TMC3: variants seen among roughly 807,000 people sequenced by gnomAD.
TMC3 encodes the protein transmembrane channel-like protein 3.
A neutral mutation model predicts 110.6 loss-of-function variants in TMC3; 98 were observed. The observed-to-expected ratio is 0.89, with a 90% CI of 0.75 to 1.05. The LOEUF (loss-of-function observed/expected upper bound fraction) is 1.05. Among genes scored for constraint, TMC3 ranks in the 50% least tolerant of loss-of-function variants. The pLI, the probability that TMC3 is intolerant of heterozygous loss-of-function variation, is 0.00. For missense variants in TMC3, 1,319 were observed against 1,373.2 expected, an observed-to-expected ratio of 0.96 and a Z score of 0.62; for synonymous variants, 489 against 513.1, an observed-to-expected ratio of 0.95 and a Z score of 0.63.
Position 81,332,358 on chromosome 15 carries a change from A to G in TMC3, c.*61T>C, listed in dbSNP as rs1209954607. The G allele has an allele frequency of 1.3e-6, 2 of 1,512,846 alleles. No individual in the cohort carries two copies. The highest frequency in any genetic ancestry group is 2.8e-5 in the African/African-American group (2 of 72,034). The allele number at this position is 1,512,846 out of a possible 1,614,324, so 93.7% of individuals were successfully genotyped here. On this transcript the variant is annotated 3_prime_UTR_variant, in exon 22 of 22. Transcript: ENST00000359440. Reference sequence around the variant, plus strand: ...CTCTTTTTCCAGAAAGGGAGATGCCATGTGCTGGCCCAGCACTCCAACAGG... The same window carrying G: ...CTCTTTTTCCAGAAAGGGAGATGCCGTGTGCTGGCCCAGCACTCCAACAGG...
chr15:81,347,450 T>G (rs1224459871), intron 11 of TMC3, among the ~76,000 whole-genome samples: 1 of 152,110 alleles, frequency 6.6e-6, no homozygotes, highest in African/African-American at 2.4e-5. Context: ...TCACATGGGC[T>G]CTCCCTCTGA....
chr15:81,336,794 G>A (rs1266406033), intron 19 of TMC3, 143 bp from the exon 20 acceptor site: 9 of 821,696 alleles, frequency 1.1e-5, no homozygotes, highest in South Asian at 6.2e-5. Flanking sequence ...CCCTATGGAC[G>A]GTATGCTCTG....
In TMC3 at chr15:81,336,665, G is replaced by GAT; in HGVS notation, c.2161-16_2161-15dup. On this transcript the variant is annotated splice_polypyrimidine_tract_variant and intron_variant, in intron 19 of 21. Transcript: ENST00000359440. ...CTCTGATCTTGCCTAAAATGCAAAT[G>GAT]ATATGCATGTTTGTTTTGGCTTTAG... is the stretch of plus-strand genomic sequence containing the variant. The GAT allele has an allele frequency of 6.2e-7, 1 of 1,613,724 alleles. No homozygotes were observed. Among genetic ancestry groups the GAT allele is most frequent in the Non-Finnish European group, 8.5e-7 (1 of 1,179,730 alleles).
chr15:81,336,443 C>G (rs1348289664), intron 20 of TMC3, among the ~76,000 whole-genome samples, 166 bp downstream of exon 20: 1 of 152,106 alleles, frequency 6.6e-6, no homozygotes, highest in African/African-American at 2.4e-5. Flanking sequence ...TGGCACGCAC[C>G]TGTAATCCCA....
In TMC3 at chr15:81,339,429, G is replaced by C; in HGVS notation, c.1920C>G (p.Val640=). ...CACAGTTTAGAGATGGCTTGTATCG[G>C]ACAATAGCAAAAATGGTTGGCAGCA... ...LCMLPTIFAI[V]RYKPSLNCGP... Residue 640 remains valine (V), a synonymous_variant, in exon 17 of 22, where the codon GTC becomes GTG. Coordinates refer to ENST00000359440, the MANE Select transcript of TMC3 (RefSeq NM_001080532.3). The C allele has an allele frequency of 1.9e-6, 3 of 1,611,360 alleles. No homozygotes were observed. Among genetic ancestry groups the C allele is most frequent in the Non-Finnish European group, 2.5e-6 (3 of 1,178,774 alleles).
intron 10 of TMC3, among the ~76,000 whole-genome samples, chr15:81,349,870 T>A (rs765675152): frequency 1.3e-4 from 19 of 150,424 alleles, no homozygotes; most frequent in Admixed American, 6.6e-5. Flanking sequence ...TCCCAACACT[T>A]TGGGAGGCTT....
At position 81,343,313 on chromosome 15, in the gene TMC3, A is replaced by G. The variant is rs370424165; in HGVS notation, c.1680T>C (p.Asn560=). 7.2e-4 allele frequency: 1,168 copies of G among 1,611,282 alleles called. 2 individuals are homozygous for G. The highest frequency in any genetic ancestry group is 2.6e-3 in the Middle Eastern group (16 of 6,060). ...CTTGGTTGTAGACTAAATGTAGCAC[A>G]TTCTCAGCTATTTTGAATTCTCCAT... ...PEYGEFKIAE[N]VLHLVYNQGM... The change falls in exon 15 of 22, where the codon AAT becomes AAC. Residue 560 remains asparagine (N), a synonymous_variant. Coordinates refer to ENST00000359440, the MANE Select transcript of TMC3 (RefSeq NM_001080532.3).
chr15:81,366,420 C>T (rs1420004589), intron 3 of TMC3, among the ~76,000 whole-genome samples: 7 of 152,040 alleles, frequency 4.6e-5, no homozygotes, highest in Non-Finnish European at 4.4e-5. Flanking sequence ...GAGAGAGGAG[C>T]GAGATAAAAA....
chr15:81,356,742 C>T, intron 7 of TMC3, 148 bp from the exon 8 acceptor site: 2 of 848,220 alleles, frequency 2.4e-6, no homozygotes, highest in Non-Finnish European at 3.5e-6. Context: ...CAGGAGAGCA[C>T]CGACTGGATT....
At chr15:81,373,369 C>A (rs1311520281) in intron 1 of TMC3, among the ~76,000 whole-genome samples, 1 of 152,174 alleles carries the variant, frequency 6.6e-6, no homozygotes, top group Non-Finnish European at 1.5e-5. Context: ...CAACATGTAG[C>A]AACATTTACT....
chr15:81,353,176 G>A (rs916209687), intron 9 of TMC3, among the ~76,000 whole-genome samples: 3 of 145,900 alleles, frequency 2.1e-5, no homozygotes, highest in Non-Finnish European at 4.6e-5. Flanking sequence ...TAAAAATAAA[G>A]CTTATAGAAT....
Position 81,362,272 on chromosome 15 carries a change from A to G in TMC3, c.342T>C (p.Cys114=), listed in dbSNP as rs1219293480. ...ELWRKFARLA[C]NFVVIFIPWE... is the part of the protein sequence containing the mutation. ...AGGGAATGAAGATGACCACAAAGTT[A>G]CAGGCGAGACGAGCAAATTTCCGCC... is the stretch of plus-strand genomic sequence containing the variant. Residue 114 remains cysteine (C), a synonymous_variant, in exon 4 of 22, where the codon TGT becomes TGC. Coordinates refer to ENST00000359440, the MANE Select transcript of TMC3 (RefSeq NM_001080532.3). The G allele has an allele frequency of 1.2e-6, 2 of 1,612,746 alleles. No individual in the cohort carries two copies. Among genetic ancestry groups the G allele is most frequent in the South Asian group, 2.2e-5 (2 of 90,732 alleles).
intron 21 of TMC3, among the ~76,000 whole-genome samples, chr15:81,334,034 A>G (rs1016326757): frequency 6.6e-6 from 1 of 151,992 alleles, no homozygotes; most frequent in African/African-American, 2.4e-5. Flanking sequence ...TTGAATCTGT[A>G]TGGTGGCTGT....
At chr15:81,337,594 C>G (rs1348370828) in intron 19 of TMC3, 4 of 565,892 alleles carry the variant, frequency 7.1e-6, no homozygotes, top group African/African-American at 5.7e-5. Flanking sequence ...CTGAAAGGCT[C>G]GAGGCAGCTG....
chr15:81,356,632 A>T, intron 7 of TMC3, 38 bp from the exon 8 acceptor site: 1 of 1,563,042 alleles, frequency 6.4e-7, no homozygotes, highest in Admixed American at 1.9e-5. Flanking sequence ...TGGGAGTCTC[A>T]GGAATAGGGG....
chr15:81,343,432 T>A, intron 14 of TMC3, 87 bp from the exon 15 acceptor site: 1 of 851,396 alleles, frequency 1.2e-6, no homozygotes, highest in South Asian at 1.4e-5. Flanking sequence ...TATAGACTTC[T>A]TTGCTCTTAT....
chr15:81,335,087 A>C, intron 20 of TMC3, 112 bp from the exon 21 acceptor site: 2 of 1,189,308 alleles, frequency 1.7e-6, no homozygotes, highest in Non-Finnish European at 2.4e-6. Flanking sequence ...TCCGCAAACA[A>C]TTGAGTGCAC....
chr15:81,366,252 G>A (rs1374626797), intron 3 of TMC3, among the ~76,000 whole-genome samples: 1 of 152,148 alleles, frequency 6.6e-6, no homozygotes, highest in Non-Finnish European at 1.5e-5. Context: ...TTTAAACAAG[G>A]TCAGGGAAGG....
chr15:81,332,350 G>A lies in TMC3; in HGVS notation c.*69C>T, dbSNP rs1893479075. The A allele has an allele frequency of 6.7e-7, 1 of 1,495,738 alleles. No individual in the cohort carries two copies. Among genetic ancestry groups the A allele is most frequent in the Non-Finnish European group, 8.9e-7 (1 of 1,122,004 alleles). The allele number at this position is 1,495,738 out of a possible 1,614,324, so 92.7% of individuals were successfully genotyped here. A position where few individuals can be genotyped will look rare whatever the true frequency, so the allele number is the denominator to read the frequency against. On this transcript the variant is annotated 3_prime_UTR_variant, in exon 22 of 22. Transcript: ENST00000359440. ...TTGTTCACCTCTTTTTCCAGAAAGG[G>A]AGATGCCATGTGCTGGCCCAGCACT...
Sources: allele counts gnomAD v4.1 joint callset (sites outside exome capture counted in the v4.1 genomes callset), GRCh38; gene constraint gnomAD v4.1.1; transcripts MANE v1.5; gene names NCBI Gene and HGNC (gene_info 2026-07-23, HGNC 2026-07-21).